PDXDC1: variants seen among roughly 807,000 people sequenced by gnomAD.
PDXDC1 encodes the protein pyridoxal dependent decarboxylase domain containing 1, also known as pyridoxal-dependent decarboxylase domain-containing protein 1.
PDXDC1 carries 42 observed loss-of-function variants against 100.1 expected under a neutral mutation model. That is an observed-to-expected ratio of 0.42 (90% confidence interval 0.33 to 0.54). The LOEUF is 0.54. PDXDC1 is among the 20% of genes least tolerant of loss of function. PDXDC1 has a pLI of 0.10. For missense variants in PDXDC1, 636 were observed against 979.2 expected (o/e 0.65, Z 4.68); for synonymous variants, 260 against 371.7 (o/e 0.70, Z 3.46).
intron 1 of PDXDC1, chr16:14,990,171 G>GGC: frequency 7.5e-7 from 1 of 1,340,152 alleles, no homozygotes; most frequent in Non-Finnish European, 9.6e-7. Flanking sequence ...CGGGCCGCCA[G>GGC]GCGCGGGCAA....
intron 16 of PDXDC1, among the ~76,000 whole-genome samples, chr16:15,093,010 ATTTTT>A (rs557028723): frequency 2.0e-5 from 3 of 148,286 alleles, no homozygotes; most frequent in Non-Finnish European, 3.0e-5. Context: ...ACGTGGCTGG[ATTTTT>A]TTTTTTGAGA....
intron 16 of PDXDC1, among the ~76,000 whole-genome samples, chr16:15,070,891 T>C (rs1173237995): frequency 1.3e-5 from 2 of 152,158 alleles, no homozygotes; most frequent in Admixed American, 6.5e-5. Flanking sequence ...GATCTTTAAG[T>C]GCAACCAAAA....
At chr16:15,035,069 G>A (rs975906632) in intron 21 of PDXDC1, among the ~76,000 whole-genome samples, 11 of 152,062 alleles carry the variant, frequency 7.2e-5, no homozygotes, top group Non-Finnish European at 1.2e-4. Context: ...TCCTACACTC[G>A]AGCCCCTTCC....
chr16:15,036,389 C>T lies in PDXDC1; in HGVS notation c.*114C>T. On this transcript the variant is annotated 3_prime_UTR_variant, in exon 23 of 23. Transcript: ENST00000396410. ...ATAAATTACTGTTGTTTGTGCTTCA[C>T]TGGGATTTTGGCACAAATATGTGCC... 1 of 1,121,242 alleles carries T rather than the reference C, an allele frequency of 8.9e-7. No individual in the cohort carries two copies. Among genetic ancestry groups the T allele is most frequent in the Non-Finnish European group, 1.3e-6 (1 of 781,780 alleles). 69.5% of individuals were successfully genotyped at this position (1,121,242 alleles called of 1,614,324 possible).
At chr16:15,150,536 G>A in the PDXDC1 span, among the ~76,000 whole-genome samples, 1 of 151,050 alleles carries the variant, frequency 6.6e-6, no homozygotes, top group South Asian at 2.1e-4. Context: ...GGGCGTGGTG[G>A]CGCGCGCCTG....
In PDXDC1 at chr16:15,001,769, T is replaced by C; in HGVS notation, c.162-7T>C. On this transcript the variant is annotated splice_polypyrimidine_tract_variant and splice_region_variant and intron_variant, in intron 3 of 22. Coordinates refer to ENST00000396410, the MANE Select transcript of PDXDC1 (RefSeq NM_015027.4). ...CCATCAGCCCATCAACTCTTTTTAT[T>C]CTGCAGTGGGCAAGATATGGTGAGC... is the stretch of plus-strand genomic sequence containing the variant. 1.2e-6 allele frequency: 2 copies of C among 1,608,550 alleles called. No homozygotes were observed. The highest frequency in any genetic ancestry group is 1.7e-5 in the Admixed American group (1 of 59,116).
chr16:15,105,097 C>T (rs1281002572), intron 16 of PDXDC1, among the ~76,000 whole-genome samples: 1 of 112,742 alleles, frequency 8.9e-6, no homozygotes, highest in Non-Finnish European at 1.9e-5. Flanking sequence ...TATGTCTATC[C>T]TCATTCCTCC....
At chr16:14,981,331 T>C (rs1462611356) in intron 1 of PDXDC1, among the ~76,000 whole-genome samples, 1 of 152,288 alleles carries the variant, frequency 6.6e-6, no homozygotes, top group East Asian at 1.9e-4. Flanking sequence ...TCCTGAATGG[T>C]GATAATCATT....
Position 15,016,208 on chromosome 16 carries a change from G to A in PDXDC1, c.807G>A (p.Val269=), listed in dbSNP as rs2041784140. The A allele has an allele frequency of 6.2e-7, 1 of 1,612,566 alleles. No homozygotes were observed. Among genetic ancestry groups the A allele is most frequent in the South Asian group, 1.1e-5 (1 of 90,866 alleles). ...LCEQYGIWLH[V]EGVNLATLAL... ...AGCAGTATGGCATATGGCTTCATGT[G>A]GAGGGGTAAGCCGGCGGTGAGGCTG... Residue 269 remains valine, a synonymous_variant, in exon 9 of 23, where the codon GTG becomes GTA. Coordinates refer to ENST00000396410, the MANE Select transcript of PDXDC1 (RefSeq NM_015027.4).
intron 16 of PDXDC1, chr16:15,121,975 T>C (rs888646132): frequency 6.4e-5 from 16 of 250,002 alleles, no homozygotes; most frequent in Non-Finnish European, 1.2e-4. Flanking sequence ...ACCCAGTCTC[T>C]ACTAAAAATA....
chr16:15,032,671 G>C, intron 17 of PDXDC1, 190 bp from the exon 18 acceptor site: 1 of 314,178 alleles, frequency 3.2e-6, no homozygotes, highest in Non-Finnish European at 5.5e-6. Flanking sequence ...AAAAAAAAAG[G>C]CTTTCCTGTG....
chr16:15,015,016 C>T (rs184115604), intron 8 of PDXDC1, among the ~76,000 whole-genome samples: 16 of 152,396 alleles, frequency 1.0e-4, no homozygotes, highest in African/African-American at 3.8e-4. Context: ...CGGCTCACTA[C>T]AAGCTCTGCC....
At chr16:15,055,363 C>T (rs536467427) in intron 16 of PDXDC1, among the ~76,000 whole-genome samples, 1 of 152,208 alleles carries the variant, frequency 6.6e-6, no homozygotes, top group Non-Finnish European at 1.5e-5. Flanking sequence ...AAAAATAACT[C>T]GGCGCCCTAC....
intron 16 of PDXDC1, among the ~76,000 whole-genome samples, chr16:15,068,517 G>A (rs929894665): frequency 5.3e-5 from 8 of 152,214 alleles, no homozygotes; most frequent in African/African-American, 1.9e-4. Context: ...TTAGGAAGTA[G>A]CAGGCTGTAA....
At chr16:15,138,422 C>A in intron 16 of PDXDC1, 1 of 154,102 alleles carries the variant, frequency 6.5e-6, no homozygotes, top group Non-Finnish European at 1.2e-5. Flanking sequence ...AGGAGCCCAA[C>A]GTCCAGCGCC....
At chr16:14,991,907 T>C (rs1211815846) in intron 1 of PDXDC1, among the ~76,000 whole-genome samples, 1 of 152,290 alleles carries the variant, frequency 6.6e-6, no homozygotes, top group African/African-American at 2.4e-5. Flanking sequence ...AGTATGTTGA[T>C]ATCCACTCTG....
chr16:15,132,870 C>T (rs1357873088), intron 16 of PDXDC1: 50 of 1,591,020 alleles, frequency 3.1e-5, no homozygotes, highest in Middle Eastern at 2.3e-4. Context: ...AGGGCCCGCT[C>T]GTACTGGGGC....
chr16:15,074,389 G>A (rs1029378711), intron 16 of PDXDC1, among the ~76,000 whole-genome samples: 1 of 152,088 alleles, frequency 6.6e-6, no homozygotes. Flanking sequence ...ATACATAACG[G>A]AGCACCATAT....
At chr16:15,104,622 G>A in intron 16 of PDXDC1, 1 of 1,598,736 alleles carries the variant, frequency 6.3e-7, no homozygotes, top group Non-Finnish European at 8.5e-7. Flanking sequence ...GAGGCTCAGG[G>A]AGTTATCAGT....
Sources: allele counts gnomAD v4.1 joint callset (sites outside exome capture counted in the v4.1 genomes callset), GRCh38; gene constraint gnomAD v4.1.1; transcripts MANE v1.5; gene names NCBI Gene and HGNC (gene_info 2026-07-23, HGNC 2026-07-21).